The following TBCD variants were observed in gnomAD, a reference collection of about 807,000 sequenced individuals.
TBCD encodes the protein tubulin folding cofactor D, also known as tubulin-specific chaperone D.
Under a neutral mutation model 169.3 loss-of-function variants are expected in TBCD, and 105 were observed. The ratio of observed to expected loss-of-function variants is 0.62; its 90% CI spans 0.53 to 0.73. The LOEUF (loss-of-function observed/expected upper bound fraction) is 0.73, where lower values mean the gene tolerates loss of function less well. TBCD is among the 30% of genes least tolerant of loss of function. The pLI is 0.00. For synonymous variants in TBCD, 700 were observed against 643.9 expected, an observed-to-expected ratio of 1.09 and a Z score of -1.32; for missense variants, 1,444 against 1,600.1, an observed-to-expected ratio of 0.90 and a Z score of 1.66.
chr17:82,837,669 A>G (rs1490451939), intron 13 of TBCD, among the ~76,000 whole-genome samples: 1 of 152,172 alleles, frequency 6.6e-6, no homozygotes, highest in African/African-American at 2.4e-5. Flanking sequence ...TCCTCCTCTC[A>G]TTTCCCACTG....
rs193136652 is a variant in TBCD at position 82,915,526 on chromosome 17, G to C, written c.2038+3737G>C. 1.3e-5 allele frequency among the ~76,000 whole-genome samples: 2 copies of C among 152,296 alleles called. No individual in the cohort carries two copies. The highest frequency in any genetic ancestry group is 4.8e-5 in the African/African-American group (2 of 41,560). The stretch of plus-strand genomic sequence containing the variant: ...AGTGGCTCTTGCATTTCATGCTTTA[G>C]AATCAAAGGAAAGAAACAGGAACTC... On this transcript the variant is annotated intron_variant, in intron 23 of 38. Coordinates refer to ENST00000355528, the MANE Select transcript of TBCD (RefSeq NM_005993.5). The surrounding 1 kb of genome is among the most constrained non-coding windows in gnomAD (Gnocchi z 4.3).
chr17:82,824,005 C>G (rs1381980604), intron 13 of TBCD, among the ~76,000 whole-genome samples: 1 of 151,762 alleles, frequency 6.6e-6, no homozygotes, highest in African/African-American at 2.4e-5. Flanking sequence ...TTTTAGAGAT[C>G]TTGTACAAGT....
intron 15 of TBCD, among the ~76,000 whole-genome samples, chr17:82,888,747 C>G (rs976920662): frequency 6.6e-6 from 1 of 152,230 alleles, no homozygotes. Flanking sequence ...ACTTGGTGCC[C>G]GTCTGTGTGT....
intron 13 of TBCD, chr17:82,840,036 C>G (rs2054332538): frequency 6.6e-6 from 1 of 152,240 alleles, no homozygotes; most frequent in Non-Finnish European, 1.5e-5. Flanking sequence ...GCCTGCTGTT[C>G]CAGTGGGAGG....
intron 13 of TBCD, among the ~76,000 whole-genome samples, chr17:82,869,345 G>A (rs768815548): frequency 7.9e-5 from 12 of 152,126 alleles, no homozygotes; most frequent in Non-Finnish European, 1.5e-4. Context: ...AACGTGGGAT[G>A]CCATCTCTAC....
intron 14 of TBCD, among the ~76,000 whole-genome samples, chr17:82,877,178 G>A (rs1878569655): frequency 6.6e-6 from 1 of 152,188 alleles, no homozygotes; most frequent in South Asian, 2.1e-4. Flanking sequence ...TGTGGCAAAT[G>A]TTAAAGGAAA....
chr17:82,878,580 G>A (rs1050724735), intron 14 of TBCD, among the ~76,000 whole-genome samples: 9 of 152,166 alleles, frequency 5.9e-5, no homozygotes, highest in Non-Finnish European at 1.0e-4. Flanking sequence ...GGCCCATATA[G>A]TGCCCCACAA....
In TBCD at chr17:82,852,280, C is replaced by T. The variant is rs954321986; in HGVS notation, c.1319-17944C>T. ...CTCCTTGCCCCGAGCGTGGCGTTGGCGTGGTCCGTGGGCGATGCAGCCCCC... is the reference window on the plus strand; with the variant it reads ...CTCCTTGCCCCGAGCGTGGCGTTGGTGTGGTCCGTGGGCGATGCAGCCCCC... On this transcript the variant is annotated intron_variant, in intron 13 of 38. Transcript: ENST00000355528. Among the ~76,000 whole-genome samples, 11 of 152,178 alleles carry T rather than the reference C, an allele frequency of 7.2e-5. No homozygotes were observed. The East Asian group carries it at 2.1e-3, about 29-fold the overall frequency.
At chr17:82,808,921 G>T (rs944165158) in intron 11 of TBCD, among the ~76,000 whole-genome samples, 4 of 151,450 alleles carry the variant, frequency 2.6e-5, no homozygotes, top group African/African-American at 9.7e-5. Flanking sequence ...AGGGGATAAG[G>T]CAGGTGCAGG....
chr17:82,936,267 A>G (rs550606511), intron 34 of TBCD, among the ~76,000 whole-genome samples: 2 of 152,174 alleles, frequency 1.3e-5, no homozygotes, highest in African/African-American at 4.8e-5. Flanking sequence ...ATGACTTTTA[A>G]CTGTGATTTG....
At chr17:82,842,149 C>T (rs146055155) in intron 13 of TBCD, among the ~76,000 whole-genome samples, 2 of 152,342 alleles carry the variant, frequency 1.3e-5, no homozygotes, top group South Asian at 2.1e-4. Context: ...TCCCTCTGCC[C>T]GGAAGCCCCA....
intron 13 of TBCD, among the ~76,000 whole-genome samples, chr17:82,866,648 T>C (rs115531973): frequency 0.025 from 3,763 of 152,330 alleles, 180 homozygotes; most frequent in African/African-American, 0.086. Flanking sequence ...GGAAGGAGGC[T>C]GGCTGGGCCC....
chr17:82,870,194 C>T (rs1449393192), intron 13 of TBCD, 30 bp from the exon 14 acceptor site: 2 of 1,611,548 alleles, frequency 1.2e-6, no homozygotes, highest in Non-Finnish European at 8.5e-7. Flanking sequence ...TGGTCTGCTC[C>T]TCACCGTCTT....
At chr17:82,795,814 C>T (rs898806122) in intron 7 of TBCD, 25 of 157,278 alleles carry the variant, frequency 1.6e-4, no homozygotes, top group Middle Eastern at 3.2e-3. Context: ...GCGGCAGGGG[C>T]CCTTGACTGA....
Position 82,809,729 on chromosome 17 carries a change from G to A in TBCD, c.1170G>A (p.Arg390=), listed in dbSNP as rs201651699. The A allele has an allele frequency of 1.9e-6, 3 of 1,613,522 alleles. No individual in the cohort carries two copies. In the Admixed American group the frequency reaches 5.0e-5, roughly 27 times the overall value. ...TCAGCATCGGTAGGATGGCTGGCAG[G>A]CTTCCCAGAGCCCTGGCGGATGATG... ...AAKGIGRMAG[R]LPRALADDVV... Residue 390 remains arginine, a synonymous_variant, in exon 12 of 39, where the codon AGG becomes AGA. Transcript: ENST00000355528.
intron 35 of TBCD, 182 bp from the exon 36 acceptor site, chr17:82,937,867 C>T (rs151039410): frequency 6.3e-5 from 95 of 1,508,738 alleles, no homozygotes; most frequent in Non-Finnish European, 7.9e-5. Flanking sequence ...GTGCGACACT[C>T]GTGTGTGTAG....
chr17:82,822,919 C>T (rs1349931637), intron 13 of TBCD, among the ~76,000 whole-genome samples: 4 of 152,108 alleles, frequency 2.6e-5, no homozygotes, highest in Non-Finnish European at 4.4e-5. Context: ...AAGCTTGAAC[C>T]GGGTTCCCAG....
intron 35 of TBCD, 35 bp from the exon 36 acceptor site, chr17:82,938,014 G>A: frequency 1.2e-6 from 2 of 1,610,504 alleles, no homozygotes; most frequent in Non-Finnish European, 1.7e-6. Context: ...TGCGCGGGGT[G>A]GGGCTCACCT....
At chr17:82,767,524 C>T (rs1234060247) in intron 4 of TBCD, among the ~76,000 whole-genome samples, 1 of 152,036 alleles carries the variant, frequency 6.6e-6, no homozygotes, top group Non-Finnish European at 1.5e-5. Flanking sequence ...TCACTGCAAC[C>T]TCTGTCTCCC....
Sources: gnomAD v4.1 joint callset for allele counts (sites outside exome capture counted in the v4.1 genomes callset) on GRCh38, gnomAD v4.1.1 for gene constraint, Gnocchi (gnomAD v3.1) non-coding constraint, MANE v1.5 for transcripts, NCBI Gene and HGNC (gene_info 2026-07-23, HGNC 2026-07-21) for gene names.